The following UBASH3A variants were observed in gnomAD, a reference collection of about 807,000 sequenced individuals.
The protein encoded by UBASH3A is ubiquitin-associated and SH3 domain-containing protein A.
UBASH3A carries 63 observed loss-of-function variants against 73.5 expected under a neutral mutation model. The ratio of observed to expected loss-of-function variants is 0.86; its 90% CI spans 0.70 to 1.06. The LOEUF is 1.06. Among genes scored for constraint, UBASH3A ranks in the 50% least tolerant of loss-of-function variants. The pLI, the probability that UBASH3A is intolerant of heterozygous loss-of-function variation, is 0.00. For synonymous variants in UBASH3A, 363 were observed against 351.1 expected (o/e 1.03, Z -0.38); for missense variants, 860 against 859.0 (o/e 1.00, Z -0.02).
Position 42,405,959 on chromosome 21 carries a change from G to C in UBASH3A, c.114-349G>C, listed in dbSNP as rs963120968. 3.4e-5 allele frequency among the ~76,000 whole-genome samples: 5 copies of C among 148,094 alleles called. No homozygotes were observed. In the Admixed American group the frequency reaches 3.4e-4, roughly 10 times the overall value. ...TCCGAGCCAGGGGCACGTTCCGCAG[G>C]GTGGGTCCATTTGATCTAGGCAGTG... On this transcript the variant is annotated intron_variant, in intron 1 of 14. Transcript: ENST00000319294.
intron 11 of UBASH3A, among the ~76,000 whole-genome samples, chr21:42,438,004 T>G (rs1042261321): frequency 3.3e-5 from 5 of 152,194 alleles, no homozygotes; most frequent in African/African-American, 1.2e-4. Flanking sequence ...CAAGGGCTGA[T>G]GTGTGTCAGG....
intron 7 of UBASH3A, among the ~76,000 whole-genome samples, chr21:42,419,628 C>T (rs943490502): frequency 1.3e-5 from 2 of 152,226 alleles, no homozygotes; most frequent in Non-Finnish European, 2.9e-5. Context: ...TGCTGTGCTA[C>T]TCAAAAGTCT....
intron 7 of UBASH3A, among the ~76,000 whole-genome samples, chr21:42,425,266 T>C (rs895592727): frequency 1.3e-5 from 2 of 152,248 alleles, no homozygotes; most frequent in Admixed American, 6.5e-5. Context: ...CCGTCACCCA[T>C]GTTCACAGCA....
intron 8 of UBASH3A, among the ~76,000 whole-genome samples, chr21:42,427,607 G>A (rs893988371): frequency 5.9e-5 from 9 of 152,166 alleles, no homozygotes; most frequent in African/African-American, 1.9e-4. Context: ...GGGGCTCATG[G>A]AGGCTAGGAA....
At chr21:42,406,953 C>T (rs149197132) in intron 2 of UBASH3A, among the ~76,000 whole-genome samples, 57 of 152,250 alleles carry the variant, frequency 3.7e-4, no homozygotes, top group Middle Eastern at 3.4e-3. Flanking sequence ...TAGAGACTAG[C>T]GGCCACCATG....
At chr21:42,443,122 G>A (rs1394698659) in intron 12 of UBASH3A, 190 bp from the exon 13 acceptor site, 2 of 1,397,422 alleles carry the variant, frequency 1.4e-6, no homozygotes, top group African/African-American at 2.9e-5. Context: ...GTAAGAATGT[G>A]TGCTGGAGAT....
chr21:42,408,563 G>C (rs1331661984), intron 2 of UBASH3A, among the ~76,000 whole-genome samples: 1 of 152,190 alleles, frequency 6.6e-6, no homozygotes, highest in Non-Finnish European at 1.5e-5. Flanking sequence ...TGAAAGGTCT[G>C]TCCTTAAGTC....
intron 6 of UBASH3A, chr21:42,417,384 G>T (rs939690638): frequency 8.1e-6 from 1 of 122,734 alleles, no homozygotes; most frequent in Admixed American, 1.0e-4. Flanking sequence ...AGATCGTACC[G>T]TTGCACTCCA....
chr21:42,446,224 G>A lies in UBASH3A; in HGVS notation c.1849-833G>A, dbSNP rs140195721. The stretch of plus-strand genomic sequence containing the variant: ...TCCTGGACTTTCTTATGCTGGTCAC[G>A]TGGCGTTCACCCTGCCCCTACCCCA... On this transcript the variant is annotated intron_variant, in intron 14 of 14. Transcript: ENST00000319294. Among the ~76,000 whole-genome samples, 277 of 152,198 alleles carry A rather than the reference G, an allele frequency of 1.8e-3. No individual in the cohort carries two copies. In the East Asian group the frequency reaches 0.018, roughly 10 times the overall value.
chr21:42,415,943 G>T (rs1008288067), intron 5 of UBASH3A, among the ~76,000 whole-genome samples: 1 of 152,186 alleles, frequency 6.6e-6, no homozygotes, highest in Non-Finnish European at 1.5e-5. Context: ...GGCCACAGGG[G>T]CAGAGGACAC....
intron 6 of UBASH3A, 80 bp downstream of exon 6, chr21:42,416,691 T>C (rs1464990471): frequency 4.1e-5 from 55 of 1,326,108 alleles, no homozygotes; most frequent in East Asian, 3.1e-5. Flanking sequence ...TCCCAGCACT[T>C]TGGGAGGCCG....
In UBASH3A at chr21:42,408,016, T is replaced by C. The variant is rs570347002; in HGVS notation, c.168-1406T>C. On this transcript the variant is annotated intron_variant, in intron 2 of 14. Transcript: ENST00000319294. ...GGAAAAATGCCAGTTGTAGAATAATTTGAATAACAGCTTATGATTTATGTA... is the reference window on the plus strand; with the variant it reads ...GGAAAAATGCCAGTTGTAGAATAATCTGAATAACAGCTTATGATTTATGTA... Among the ~76,000 whole-genome samples, 8 of 152,342 alleles carry C rather than the reference T, an allele frequency of 5.3e-5. No individual in the cohort carries two copies. The East Asian group carries it at 1.5e-3, about 29-fold the overall frequency.
intron 7 of UBASH3A, among the ~76,000 whole-genome samples, chr21:42,423,732 C>T (rs962244745): frequency 6.6e-6 from 1 of 152,310 alleles, no homozygotes; most frequent in Admixed American, 6.5e-5. Context: ...ATTTCTGGGA[C>T]TATTCTTTCC....
chr21:42,438,742 C>T (rs910228154), intron 11 of UBASH3A, among the ~76,000 whole-genome samples: 1 of 152,026 alleles, frequency 6.6e-6, no homozygotes, highest in African/African-American at 2.4e-5. Flanking sequence ...TCAAGGTCCA[C>T]GAGGGGGCTG....
At chr21:42,410,520 C>A (rs779082678) in intron 3 of UBASH3A, 2 of 376,422 alleles carry the variant, frequency 5.3e-6, no homozygotes, top group Non-Finnish European at 9.4e-6. Context: ...CCTTCCAAAG[C>A]CTCCAACCAC....
rs2053814750 is a variant in UBASH3A at position 42,444,595 on chromosome 21, C to CG, written c.1803dup (p.Leu602AlafsTer25). The CG allele has an allele frequency of 6.2e-7, 1 of 1,614,192 alleles. No individual in the cohort carries two copies. Among genetic ancestry groups the CG allele is most frequent in the Non-Finnish European group, 8.5e-7 (1 of 1,180,044 alleles). On this transcript the variant is annotated frameshift_variant, in exon 14 of 15. Transcript: ENST00000319294. LOFTEE classifies it low-confidence loss of function (END_TRUNC). ...TGGACTCCTGCACGCGGCCACTGCT[C>CG]GGGCTGCCGCCCCGGGAATGTGGGG... is the stretch of plus-strand genomic sequence containing the variant.
intron 3 of UBASH3A, among the ~76,000 whole-genome samples, chr21:42,410,995 CATAG>C (rs1188858604): frequency 2.6e-5 from 4 of 150,976 alleles, no homozygotes; most frequent in Admixed American, 6.6e-5. Flanking sequence ...TACAGACATA[CATAG>C]ATATAGACAC....
In UBASH3A at chr21:42,415,319, TTCCCCACCACCTACACACTCATGCTGC is replaced by T. The variant is rs776033356; in HGVS notation, c.668-1093_668-1067del. Among the ~76,000 whole-genome samples, 54 of 152,162 alleles carry T rather than the reference TTCCCCACCACCTACACACTCATGCTGC, an allele frequency of 3.5e-4. No homozygotes were observed. The Middle Eastern group carries it at 0.017, about 48-fold the overall frequency. On this transcript the variant is annotated intron_variant, in intron 5 of 14. Transcript: ENST00000319294. ...TAAAAACAAAAGTCAGGAAAGGAAT[TTCCCCACCACCTACACACTCATGCTGC>T]TCCCCACCACCTACACACTCATGCT...
chr21:42,436,078 T>C (rs1340733521), intron 10 of UBASH3A, among the ~76,000 whole-genome samples: 2 of 152,028 alleles, frequency 1.3e-5, no homozygotes, highest in Non-Finnish European at 2.9e-5. Flanking sequence ...GAGTTAATTA[T>C]AGAGTTAGAG....
Sources: allele counts gnomAD v4.1 joint callset (sites outside exome capture counted in the v4.1 genomes callset), GRCh38; gene constraint gnomAD v4.1.1; transcripts MANE v1.5; gene names NCBI Gene and HGNC (gene_info 2026-07-23, HGNC 2026-07-21).